The following BTC variants were observed in gnomAD, a reference collection of about 807,000 sequenced individuals.
BTC encodes the protein betacellulin.
In BTC, 13 loss-of-function variants were observed where a neutral mutation model predicts 18.1. That is an observed-to-expected ratio of 0.72 (90% CI 0.47 to 1.14). BTC has a LOEUF of 1.14. Ranked by LOEUF, BTC falls within the 50% of genes most tolerant of loss-of-function variation. The probability of loss-of-function intolerance (pLI) is 0.00; values close to 1 mark genes in which losing one functional copy is unlikely to be tolerated. For missense variants in BTC, 247 were observed against 224.2 expected, an observed-to-expected ratio of 1.10 and a Z score of -0.65; for synonymous variants, 83 against 79.4, an observed-to-expected ratio of 1.05 and a Z score of -0.24.
rs553391391 is a variant in BTC, at chr4:74,749,846, G to A, written c.428+727C>T. Among the ~76,000 whole-genome samples the A allele has an allele frequency of 2.7e-5, 4 of 146,498 alleles. No individual in the cohort carries two copies. The South Asian group carries it at 6.6e-4, about 24-fold the overall frequency. Reference sequence around the variant, plus strand: ...TACAGTGGCTCACTCCTGTAATCCCGCTACTCAAGAGGCTGAGGCGGGAGG... The same window carrying A: ...TACAGTGGCTCACTCCTGTAATCCCACTACTCAAGAGGCTGAGGCGGGAGG... On this transcript the variant is annotated intron_variant, in intron 4 of 5. Coordinates refer to ENST00000395743, the MANE Select transcript of BTC (RefSeq NM_001729.4).
rs782425161 is a variant in BTC at position 74,750,582 on chromosome 4, G to C, written c.419C>G (p.Thr140Arg). The change falls in exon 4 of 6, where the codon ACA becomes AGA. Residue 140 changes from threonine to arginine, a missense_variant. Transcript: ENST00000395743. Reference protein sequence around the residue: ...VFIILVIGVCTCCHPLRKRRK... With the variant: ...VFIILVIGVCRCCHPLRKRRK... ...GTTTAAAAATACTTACTGACAGCATGTGCAGACACCGATGACCAAAATAAT... is the reference window on the plus strand; with the variant it reads ...GTTTAAAAATACTTACTGACAGCATCTGCAGACACCGATGACCAAAATAAT... 1.2e-6 allele frequency: 2 copies of C among 1,612,760 alleles called. No homozygotes were observed. The highest frequency in any genetic ancestry group is 3.3e-5 in the Admixed American group (2 of 59,756).
intron 2 of BTC, among the ~76,000 whole-genome samples, chr4:74,756,874 C>T (rs1482977816): frequency 6.6e-6 from 1 of 152,186 alleles, no homozygotes; most frequent in South Asian, 2.1e-4. Context: ...TAATATGTAG[C>T]CATTTCCCCA....
chr4:74,750,810 C>T, intron 3 of BTC, 91 bp from the exon 4 acceptor site: 3 of 1,467,922 alleles, frequency 2.0e-6, no homozygotes, highest in South Asian at 1.3e-5. Flanking sequence ...GTTCTCATTA[C>T]TTGAAATTAA....
intron 3 of BTC, among the ~76,000 whole-genome samples, chr4:74,754,533 G>C (rs572598052): frequency 6.6e-6 from 1 of 152,184 alleles, no homozygotes; most frequent in Admixed American, 6.5e-5. Context: ...GATGAGTGCA[G>C]TGCATCTTAA....
intron 2 of BTC, among the ~76,000 whole-genome samples, chr4:74,758,544 G>T (rs1274431426): frequency 6.6e-5 from 10 of 152,302 alleles, no homozygotes; most frequent in African/African-American, 2.4e-4. Flanking sequence ...GATTTGCAAA[G>T]CATACCGGCC....
At chr4:74,792,788 G>T (rs1303606434) in intron 1 of BTC, among the ~76,000 whole-genome samples, 1 of 152,106 alleles carries the variant, frequency 6.6e-6, no homozygotes, top group Non-Finnish European at 1.5e-5. Flanking sequence ...ACGCATTCGT[G>T]TCCTCCATTC....
chr4:74,790,828 A>C (rs1352362504), intron 1 of BTC, among the ~76,000 whole-genome samples: 1 of 152,226 alleles, frequency 6.6e-6, no homozygotes, highest in Non-Finnish European at 1.5e-5. Context: ...GTTTCCTGGA[A>C]GCAAGGAAGA....
intron 1 of BTC, among the ~76,000 whole-genome samples, chr4:74,786,894 T>C (rs1377032): frequency 0.18 from 26,847 of 151,964 alleles, 3,905 homozygotes; most frequent in African/African-American, 0.41. Flanking sequence ...TCCCATATAA[T>C]AAGGGATGGA....
At chr4:74,784,973 T>C (rs2109917371) in intron 1 of BTC, among the ~76,000 whole-genome samples, 1 of 152,322 alleles carries the variant, frequency 6.6e-6, no homozygotes. Context: ...TCCTTTTTAA[T>C]TTTCTGGAAT....
At chr4:74,751,521 A>T (rs1724460312) in intron 3 of BTC, among the ~76,000 whole-genome samples, 1 of 152,188 alleles carries the variant, frequency 6.6e-6, no homozygotes, top group Non-Finnish European at 1.5e-5. Flanking sequence ...GGGAATGACC[A>T]GAAATCAACA....
At chr4:74,756,536 A>G (rs1724603993) in intron 2 of BTC, among the ~76,000 whole-genome samples, 1 of 152,232 alleles carries the variant, frequency 6.6e-6, no homozygotes, top group Admixed American at 6.5e-5. Flanking sequence ...AAGATCACAC[A>G]GATAGAAAGT....
intron 1 of BTC, among the ~76,000 whole-genome samples, chr4:74,780,518 A>C (rs1230505138): frequency 6.6e-6 from 1 of 152,190 alleles, no homozygotes; most frequent in Non-Finnish European, 1.5e-5. Flanking sequence ...GATTTTCCTC[A>C]CAGAAGTCTT....
chr4:74,770,645 C>G (rs950558954), intron 1 of BTC, among the ~76,000 whole-genome samples: 6 of 152,000 alleles, frequency 3.9e-5, no homozygotes, highest in Admixed American at 6.6e-5. Context: ...GCTCCTCTAG[C>G]TAAGAATCTC....
At chr4:74,781,718 A>G (rs1231719176) in intron 1 of BTC, among the ~76,000 whole-genome samples, 1 of 151,736 alleles carries the variant, frequency 6.6e-6, no homozygotes, top group Non-Finnish European at 1.5e-5. Context: ...TTGTCATGGT[A>G]AAATACATAT....
rs1725713131 is a variant in BTC at position 74,794,299 on chromosome 4, G to C, written c.27C>G (p.Gly9=). Residue 9 remains glycine (G), a synonymous_variant, in exon 1 of 6, where the codon GGC becomes GGG. Coordinates refer to ENST00000395743, the MANE Select transcript of BTC (RefSeq NM_001729.4). ...CCAGGAGCAGTGGCAGGGAGCTGGC[G>C]CCGCTGCACCGGGCGGCCCGGTCCA... The part of the protein sequence containing the change: MDRAARCS[G]ASSLPLLLAL... The C allele has an allele frequency of 1.9e-6, 3 of 1,548,852 alleles. No homozygotes were observed. Among genetic ancestry groups the C allele is most frequent in the Non-Finnish European group, 2.6e-6 (3 of 1,146,524 alleles).
chr4:74,757,321 C>T (rs1422153301), intron 2 of BTC, among the ~76,000 whole-genome samples: 3 of 152,194 alleles, frequency 2.0e-5, no homozygotes, highest in Admixed American at 2.0e-4. Context: ...GATTCCAGGT[C>T]ACAGTGCAGA....
intron 2 of BTC, among the ~76,000 whole-genome samples, chr4:74,765,452 A>G (rs1724875981): frequency 1.3e-5 from 2 of 152,130 alleles, no homozygotes; most frequent in East Asian, 3.8e-4. Flanking sequence ...AAAAGAATAA[A>G]AAGAATTTTA....
intron 1 of BTC, 77 bp from the exon 2 acceptor site, chr4:74,770,233 A>C: frequency 1.8e-6 from 2 of 1,109,496 alleles, no homozygotes; most frequent in Non-Finnish European, 2.6e-6. Flanking sequence ...GTCATCACCC[A>C]TTTCACCCAT....
chr4:74,766,800 T>C (rs898514721), intron 2 of BTC, among the ~76,000 whole-genome samples: 2 of 151,992 alleles, frequency 1.3e-5, no homozygotes, highest in African/African-American at 4.8e-5. Flanking sequence ...AAAGACATTA[T>C]AAGAAAAGAA....
Sources: allele counts gnomAD v4.1 joint callset (sites outside exome capture counted in the v4.1 genomes callset), GRCh38; gene constraint gnomAD v4.1.1; transcripts MANE v1.5; gene names NCBI Gene and HGNC (gene_info 2026-07-23, HGNC 2026-07-21).